POU6F2: variants seen among roughly 807,000 people sequenced by gnomAD.
POU6F2 encodes POU class 6 homeobox 2.
POU6F2 carries 31 observed loss-of-function variants against 71.3 expected under a neutral mutation model. The observed-to-expected ratio is 0.43, with a 90% CI of 0.33 to 0.59. The LOEUF is 0.59. Among genes scored for constraint, POU6F2 ranks in the 20% least tolerant of loss-of-function variants. The pLI is 0.04. For missense variants in POU6F2, 783 were observed against 856.8 expected, an observed-to-expected ratio of 0.91 and a Z score of 1.07; for synonymous variants, 347 against 355.7, an observed-to-expected ratio of 0.98 and a Z score of 0.27.
At chr7:39,454,936 G>T (rs1788766438) in intron 8 of POU6F2, among the ~76,000 whole-genome samples, 1 of 151,378 alleles carries the variant, frequency 6.6e-6, no homozygotes, top group Non-Finnish European at 1.5e-5. Flanking sequence ...CCTTAGTAAT[G>T]ATACAAGATG....
rs541251271 is a variant in POU6F2 at position 39,092,883 on chromosome 7, G to A, written c.277+6852G>A. ...TGAGGCTAAAGAAAGTTTGTCATTC[G>A]CAGAGAAATGGAAATTAACTTTGTT... On this transcript the variant is annotated intron_variant, in intron 2 of 9. Transcript: ENST00000518318. Among the ~76,000 whole-genome samples, 23 of 152,168 alleles carry A rather than the reference G, an allele frequency of 1.5e-4. 1 individual carries two copies. The highest frequency in any genetic ancestry group is 3.9e-4 in the East Asian group (2 of 5,178).
In POU6F2 at chr7:38,998,944, G is replaced by A. The variant is rs144828539; in HGVS notation, c.105+20886G>A. Among the ~76,000 whole-genome samples, 283 of 151,726 alleles carry A rather than the reference G, an allele frequency of 1.9e-3. 1 individual carries two copies. The highest frequency in any genetic ancestry group is 9.8e-3 in the South Asian group (47 of 4,806). The stretch of plus-strand genomic sequence containing the variant: ...CTCACAAAGTGCTGGGATTACAGGC[G>A]TGAGCCACTGCACCCAGCTGTTGTT... On this transcript the variant is annotated intron_variant, in intron 1 of 9. Coordinates refer to ENST00000518318, the MANE Select transcript of POU6F2 (RefSeq NM_001370959.1).
At chr7:39,187,190 C>G (rs1227778116) in intron 2 of POU6F2, among the ~76,000 whole-genome samples, 2 of 152,222 alleles carry the variant, frequency 1.3e-5, no homozygotes, top group South Asian at 4.1e-4. Flanking sequence ...GATTAAGCAG[C>G]TTGCTGGAGG....
At chr7:39,273,482 C>T (rs972581248) in intron 4 of POU6F2, among the ~76,000 whole-genome samples, 17 of 152,170 alleles carry the variant, frequency 1.1e-4, no homozygotes, top group African/African-American at 3.6e-4. Flanking sequence ...GGGCATTCTA[C>T]AGGTAACCTG....
rs1190344365 is a variant in POU6F2, at chr7:39,015,615, ATC to A, written c.105+37559_105+37560del. On this transcript the variant is annotated intron_variant, in intron 1 of 9. Transcript: ENST00000518318. ...ATAGATATATCTATGTTTTATATAG[ATC>A]TACATTATAGATATATCTATGTTAT... 4.7e-3 allele frequency among the ~76,000 whole-genome samples: 441 copies of A among 93,944 alleles called. 1 individual carries two copies. The highest frequency in any genetic ancestry group is 6.2e-3 in the Non-Finnish European group (309 of 49,446). 61.6% of individuals were successfully genotyped at this position (93,944 alleles called of 152,430 possible).
At chr7:39,296,373 T>C (rs1784844290) in intron 4 of POU6F2, among the ~76,000 whole-genome samples, 1 of 152,248 alleles carries the variant, frequency 6.6e-6, no homozygotes, top group Non-Finnish European at 1.5e-5. Flanking sequence ...CTTAGTCTAA[T>C]TGTAGCCCTA....
intron 6 of POU6F2, among the ~76,000 whole-genome samples, chr7:39,419,142 T>C (rs1285165444): frequency 1.7e-4 from 24 of 140,066 alleles, no homozygotes; most frequent in Middle Eastern, 7.5e-3. Flanking sequence ...CACATATATA[T>C]ACGTATATAT....
At chr7:39,052,822 A>G (rs997911447) in intron 1 of POU6F2, among the ~76,000 whole-genome samples, 16 of 152,128 alleles carry the variant, frequency 1.1e-4, no homozygotes, top group African/African-American at 3.6e-4. Context: ...TTCAGTATTT[A>G]TGGGGTGCTC....
chr7:39,257,768 A>C (rs1325755327), intron 4 of POU6F2, among the ~76,000 whole-genome samples: 1 of 152,068 alleles, frequency 6.6e-6, no homozygotes, highest in Non-Finnish European at 1.5e-5. Context: ...CACAAATTCC[A>C]CCGAGAAAAC....
intron 1 of POU6F2, among the ~76,000 whole-genome samples, chr7:39,005,484 C>G (rs1006627313): frequency 1.0e-4 from 13 of 126,704 alleles, no homozygotes; most frequent in Middle Eastern, 4.0e-3. Flanking sequence ...AGGGAGAAAC[C>G]TGTGTGTGTG....
At chr7:39,000,590 T>C (rs1037483932) in intron 1 of POU6F2, among the ~76,000 whole-genome samples, 3 of 151,306 alleles carry the variant, frequency 2.0e-5, no homozygotes, top group Admixed American at 1.3e-4. Context: ...AATGAGATAT[T>C]AATCTCTCAT....
intron 1 of POU6F2, among the ~76,000 whole-genome samples, chr7:39,069,405 A>T (rs1232994551): frequency 6.6e-6 from 1 of 152,198 alleles, no homozygotes; most frequent in Non-Finnish European, 1.5e-5. Context: ...ATGCCCGGAG[A>T]GTCCCGCAGG....
At chr7:39,289,593 C>T (rs1784712323) in intron 4 of POU6F2, among the ~76,000 whole-genome samples, 1 of 151,998 alleles carries the variant, frequency 6.6e-6, no homozygotes, top group South Asian at 2.1e-4. Flanking sequence ...GATTCAGTTC[C>T]AAATTGTTTG....
intron 5 of POU6F2, among the ~76,000 whole-genome samples, chr7:39,348,547 T>G (rs1329314410): frequency 1.3e-5 from 2 of 152,200 alleles, no homozygotes; most frequent in African/African-American, 2.4e-5. Context: ...TTCAAGCAAA[T>G]TTCTCAACAT....
intron 1 of POU6F2, among the ~76,000 whole-genome samples, chr7:39,045,536 C>T (rs1271275253): frequency 6.6e-6 from 1 of 151,178 alleles, no homozygotes; most frequent in Non-Finnish European, 1.5e-5. Context: ...GGATGAGGCT[C>T]TTTAGCTTGT....
intron 6 of POU6F2, among the ~76,000 whole-genome samples, chr7:39,421,437 C>G (rs1273722183): frequency 2.6e-5 from 4 of 152,152 alleles, no homozygotes; most frequent in African/African-American, 9.7e-5. Flanking sequence ...TGAACAGATG[C>G]ATCTTTAATG....
intron 1 of POU6F2, among the ~76,000 whole-genome samples, chr7:39,069,991 A>C (rs571379543): frequency 1.3e-5 from 2 of 152,258 alleles, no homozygotes; most frequent in Admixed American, 6.5e-5. Context: ...GCTGGGAGCT[A>C]GTCCAGAGTC....
At chr7:39,280,339 G>C (rs1008866866) in intron 4 of POU6F2, among the ~76,000 whole-genome samples, 1 of 152,198 alleles carries the variant, frequency 6.6e-6, no homozygotes, top group South Asian at 2.1e-4. Flanking sequence ...GACCCAAAGT[G>C]TGTGTTCAAC....
At chr7:39,367,628 A>C (rs1331908790) in intron 5 of POU6F2, among the ~76,000 whole-genome samples, 1 of 152,254 alleles carries the variant, frequency 6.6e-6, no homozygotes, top group East Asian at 1.9e-4. Flanking sequence ...TGGTACTGTC[A>C]CAAACATGAT....
Sources: gnomAD v4.1 joint callset for allele counts (sites outside exome capture counted in the v4.1 genomes callset) on GRCh38, gnomAD v4.1.1 for gene constraint, MANE v1.5 for transcripts, NCBI Gene and HGNC (gene_info 2026-07-23, HGNC 2026-07-21) for gene names.